The following ABHD2 variants were observed in gnomAD, a reference collection of about 807,000 sequenced individuals.
The protein encoded by ABHD2 is monoacylglycerol lipase ABHD2.
A neutral mutation model predicts 48.1 loss-of-function variants in ABHD2; 20 were observed. The ratio of observed to expected loss-of-function variants is 0.42; its 90% CI spans 0.29 to 0.60. The LOEUF is 0.60. Among genes scored for constraint, ABHD2 ranks in the 20% least tolerant of loss-of-function variants. The pLI is 0.24. For missense variants in ABHD2, 405 were observed against 550.9 expected (o/e 0.74, Z 2.65); for synonymous variants, 209 against 214.2 (o/e 0.98, Z 0.21).
chr15:89,140,164 G>A (rs1365012657), intron 3 of ABHD2, among the ~76,000 whole-genome samples: 1 of 152,224 alleles, frequency 6.6e-6, no homozygotes, highest in African/African-American at 2.4e-5. Context: ...GGAACAGTCA[G>A]AGCCTGTGGA....
rs6496555 is a variant in ABHD2, at chr15:89,136,813, G to A, written c.195-14864G>A. The stretch of plus-strand genomic sequence containing the variant: ...AGCTCTAATCTTCCCTCCCCATAAC[G>A]CTGGCACAGATTTTGAGGTAGCCTT... On this transcript the variant is annotated intron_variant, in intron 3 of 10. Transcript: ENST00000352732. Among the ~76,000 whole-genome samples, 101 of 152,202 alleles carry A rather than the reference G, an allele frequency of 6.6e-4. No homozygotes were observed. In the Middle Eastern group the frequency reaches 0.01, roughly 15 times the overall value.
rs562369833 is a variant in ABHD2 at position 89,175,700 on chromosome 15, T to C, written c.539-112T>C. 4.4e-5 allele frequency: 49 copies of C among 1,126,392 alleles called. No individual in the cohort carries two copies. In the South Asian group the frequency reaches 5.7e-4, roughly 13 times the overall value. The allele number at this position is 1,126,392 out of a possible 1,614,324, so 69.8% of individuals were successfully genotyped here. On this transcript the variant is annotated intron_variant, in intron 5 of 10. Coordinates refer to ENST00000352732, the MANE Select transcript of ABHD2 (RefSeq NM_152924.5). This position sits in a 1 kb window ranked among gnomAD's most constrained non-coding sequence, Gnocchi z 5.7. ...ACACACACGTATATATACACATATA[T>C]ATTTCTCTCTCTTTTAGTATACTGG...
rs191497295 is a variant in ABHD2 at position 89,105,426 on chromosome 15, A to G, written c.-106-8299A>G. ...CTTGTAGACTATTTTCTGAAATTCC[A>G]GCAGATTGAGTGTGTGACCTTATGA... On this transcript the variant is annotated intron_variant, in intron 1 of 10. Transcript: ENST00000352732. Among the ~76,000 whole-genome samples the G allele has an allele frequency of 2.1e-4, 32 of 152,380 alleles. No individual in the cohort carries two copies. The East Asian group carries it at 5.8e-3, about 28-fold the overall frequency.
chr15:89,191,300 G>T (rs1410602877), intron 9 of ABHD2, 151 bp downstream of exon 9: 1 of 723,684 alleles, frequency 1.4e-6, no homozygotes, highest in Non-Finnish European at 2.3e-6. Context: ...ATTGAACCAG[G>T]CTCTGTCCCT....
chr15:89,148,139 A>AC (rs1360876761), intron 3 of ABHD2, among the ~76,000 whole-genome samples: 6 of 151,092 alleles, frequency 4.0e-5, no homozygotes, highest in Non-Finnish European at 5.9e-5. Context: ...AAAAAAAAAA[A>AC]AACTACATAA....
In ABHD2 at chr15:89,185,536, C is replaced by G. The variant is rs765666419; in HGVS notation, c.815+20C>G. 1 of 1,604,994 alleles carries G rather than the reference C, an allele frequency of 6.2e-7. No homozygotes were observed. On this transcript the variant is annotated intron_variant, in intron 7 of 10. Coordinates refer to ENST00000352732, the MANE Select transcript of ABHD2 (RefSeq NM_152924.5). The surrounding 1 kb of genome is among the most constrained non-coding windows in gnomAD (Gnocchi z 5.9). Reference sequence around the variant, plus strand: ...GCACAGGTAGGTCACCTTCCGTTCTCTCTCAGGAGACAGACAGTTCCTTCC... The same window carrying G: ...GCACAGGTAGGTCACCTTCCGTTCTGTCTCAGGAGACAGACAGTTCCTTCC...
At position 89,091,107 on chromosome 15, in the gene ABHD2, G is replaced by A. The variant is rs987135896; in HGVS notation, c.-107+2544G>A. ...TTTTCCTCTCATTTTAGTCAGGGTCGTTCACTTTTTTCCCTTTTTACTCTC... is the reference window on the plus strand; with the variant it reads ...TTTTCCTCTCATTTTAGTCAGGGTCATTCACTTTTTTCCCTTTTTACTCTC... On this transcript the variant is annotated intron_variant, in intron 1 of 10. Coordinates refer to ENST00000352732, the MANE Select transcript of ABHD2 (RefSeq NM_152924.5). The surrounding 1 kb of genome is among the most constrained non-coding windows in gnomAD (Gnocchi z 5.5). 1.1e-4 allele frequency among the ~76,000 whole-genome samples: 17 copies of A among 152,112 alleles called. No homozygotes were observed. The highest frequency in any genetic ancestry group is 3.4e-4 in the African/African-American group (14 of 41,422).
At chr15:89,128,135 G>A (rs1205579213) in intron 3 of ABHD2, among the ~76,000 whole-genome samples, 2 of 152,194 alleles carry the variant, frequency 1.3e-5, no homozygotes, top group Admixed American at 6.5e-5. Context: ...GTAGGAACAT[G>A]TGATTGACAG....
rs145476962 is a variant in ABHD2, at chr15:89,141,365, C to T, written c.195-10312C>T. On this transcript the variant is annotated intron_variant, in intron 3 of 10. Transcript: ENST00000352732. ...AAAACAGAACGGCCAGGCACTGTGG[C>T]TCACACCTGTTAATCCCAGCACTTT... is the stretch of plus-strand genomic sequence containing the variant. Among the ~76,000 whole-genome samples the T allele has an allele frequency of 1.9e-3, 294 of 152,292 alleles. 3 individuals carry two copies. Among genetic ancestry groups the T allele is most frequent in the East Asian group, 0.016 (83 of 5,182 alleles).
At chr15:89,181,441 G>T (rs890102696) in intron 6 of ABHD2, among the ~76,000 whole-genome samples, 4 of 152,006 alleles carry the variant, frequency 2.6e-5, no homozygotes, top group Admixed American at 6.6e-5. Flanking sequence ...TGCTTTCAAG[G>T]TATTTTTTTA....
intron 3 of ABHD2, among the ~76,000 whole-genome samples, chr15:89,129,628 G>A (rs2050188124): frequency 1.3e-5 from 2 of 152,110 alleles, no homozygotes; most frequent in Non-Finnish European, 2.9e-5. Context: ...TTAGCGAGCT[G>A]TTGCCCCCCG....
At chr15:89,162,198 C>G (rs2050773037) in intron 5 of ABHD2, among the ~76,000 whole-genome samples, 1 of 152,162 alleles carries the variant, frequency 6.6e-6, no homozygotes, top group South Asian at 2.1e-4. Context: ...CATAACATAA[C>G]AGAAGCACAA....
rs917416173 is a variant in ABHD2, at chr15:89,186,845, C to T, written c.815+1329C>T. ...CACACACCCCAGATTGGGCTTCCTA[C>T]GGGTGGGCGTTCACATGGCACCTAA... On this transcript the variant is annotated intron_variant, in intron 7 of 10. Transcript: ENST00000352732. This position sits in a 1 kb window ranked among gnomAD's most constrained non-coding sequence, Gnocchi z 4.3. Among the ~76,000 whole-genome samples, 3 of 152,210 alleles carry T rather than the reference C, an allele frequency of 2.0e-5. No individual in the cohort carries two copies. Among genetic ancestry groups the T allele is most frequent in the Non-Finnish European group, 4.4e-5 (3 of 68,034 alleles).
intron 5 of ABHD2, among the ~76,000 whole-genome samples, chr15:89,165,698 A>C (rs1013866744): frequency 3.3e-5 from 5 of 152,196 alleles, no homozygotes; most frequent in African/African-American, 1.2e-4. Flanking sequence ...AAGATGAAGA[A>C]GTCATGAAGA....
the ABHD2 span, among the ~76,000 whole-genome samples, chr15:89,052,543 A>G: frequency 2.9e-3 from 284 of 99,042 alleles, 2 homozygotes; most frequent in South Asian, 0.021. Flanking sequence ...AGACAGACAG[A>G]CAGACAGACA....
At chr15:89,069,772 C>T in the ABHD2 span, among the ~76,000 whole-genome samples, 1 of 139,754 alleles carries the variant, frequency 7.2e-6, no homozygotes, top group Admixed American at 7.9e-5. Flanking sequence ...CTCTGCCTCC[C>T]AGGTTCAAGT....
At chr15:89,158,637 G>T (rs2050712730) in intron 5 of ABHD2, among the ~76,000 whole-genome samples, 1 of 152,136 alleles carries the variant, frequency 6.6e-6, no homozygotes, top group Non-Finnish European at 1.5e-5. Flanking sequence ...TTAAATGTGG[G>T]TTACTGAGGA....
In ABHD2 at chr15:89,151,955, T is replaced by A. The variant is rs1374919484; in HGVS notation, c.370+103T>A. Reference sequence around the variant, plus strand: ...ATACTTGTGCCACTGACTCTGCCCATGGCATCAGGGGCTGTTGGGAAGCCT... The same window carrying A: ...ATACTTGTGCCACTGACTCTGCCCAAGGCATCAGGGGCTGTTGGGAAGCCT... On this transcript the variant is annotated intron_variant, in intron 4 of 10. Coordinates refer to ENST00000352732, the MANE Select transcript of ABHD2 (RefSeq NM_152924.5). The surrounding 1 kb of genome is among the most constrained non-coding windows in gnomAD (Gnocchi z 4.7). The A allele has an allele frequency of 7.0e-7, 1 of 1,438,748 alleles. No individual in the cohort carries two copies. Among genetic ancestry groups the A allele is most frequent in the Non-Finnish European group, 9.4e-7 (1 of 1,066,806 alleles). The allele number at this position is 1,438,748 out of a possible 1,614,324, so 89.1% of individuals were successfully genotyped here. A position where few individuals can be genotyped will look rare whatever the true frequency, so the allele number is the denominator to read the frequency against.
rs202221831 is a variant in ABHD2, at chr15:89,186,705, G to A, written c.815+1189G>A. 1.8e-4 allele frequency among the ~76,000 whole-genome samples: 28 copies of A among 152,284 alleles called. No individual in the cohort carries two copies. The highest frequency in any genetic ancestry group is 6.0e-4 in the African/African-American group (25 of 41,550). On this transcript the variant is annotated intron_variant, in intron 7 of 10. Coordinates refer to ENST00000352732, the MANE Select transcript of ABHD2 (RefSeq NM_152924.5). This position sits in a 1 kb window ranked among gnomAD's most constrained non-coding sequence, Gnocchi z 4.3. ...CATGTGTTGATTGCTCCCAGCACCC[G>A]AGACACACCCGTTCGCTCAAAAAAA...
Sources: gnomAD v4.1 joint callset for allele counts (sites outside exome capture counted in the v4.1 genomes callset) on GRCh38, gnomAD v4.1.1 for gene constraint, Gnocchi (gnomAD v3.1) non-coding constraint, MANE v1.5 for transcripts, NCBI Gene and HGNC (gene_info 2026-07-23, HGNC 2026-07-21) for gene names.